The following AGMO variants were observed in gnomAD, a reference collection of about 807,000 sequenced individuals.
AGMO encodes the protein glyceryl-ether monooxygenase.
AGMO carries 75 observed loss-of-function variants against 60.2 expected under a neutral mutation model. The ratio of observed to expected loss-of-function variants is 1.25; its 90% CI spans 1.03 to 1.51. The LOEUF (loss-of-function observed/expected upper bound fraction) is 1.51, where lower values mean the gene tolerates loss of function less well. Among genes scored for constraint, AGMO ranks in the 40% most tolerant of loss-of-function variants. The pLI, the probability that AGMO is intolerant of heterozygous loss-of-function variation, is 0.00. For missense variants in AGMO, 763 were observed against 525.5 expected (o/e 1.45, Z -4.42); for synonymous variants, 261 against 177.1 (o/e 1.47, Z -3.76).
intron 5 of AGMO, among the ~76,000 whole-genome samples, chr7:15,399,616 C>T (rs979332521): frequency 1.3e-5 from 2 of 152,168 alleles, no homozygotes; most frequent in African/African-American, 2.4e-5. Context: ...TGATGACTCA[C>T]TTTCATTCAA....
At chr7:15,210,929 A>T (rs1781571384) in intron 12 of AGMO, among the ~76,000 whole-genome samples, 1 of 152,108 alleles carries the variant, frequency 6.6e-6, no homozygotes, top group South Asian at 2.1e-4. Flanking sequence ...GATACTGTTA[A>T]TTCAAAAACT....
At chr7:15,360,282 A>G (rs1388664965) in intron 12 of AGMO, among the ~76,000 whole-genome samples, 1 of 152,202 alleles carries the variant, frequency 6.6e-6, no homozygotes, top group East Asian at 1.9e-4. Context: ...ATCGTTAGCA[A>G]TAAGTACACT....
the AGMO span, among the ~76,000 whole-genome samples, chr7:15,128,152 T>C: frequency 5.2e-4 from 79 of 152,232 alleles, no homozygotes; most frequent in Non-Finnish European, 9.6e-4. Flanking sequence ...TTGTTACTAG[T>C]GCTTCCTACT....
At chr7:15,556,195 A>G (rs1785130048) in intron 2 of AGMO, among the ~76,000 whole-genome samples, 1 of 150,420 alleles carries the variant, frequency 6.6e-6, no homozygotes, top group Non-Finnish European at 1.5e-5. Context: ...AATATTTTAA[A>G]GAAGTTTAAT....
chr7:15,229,577 A>G (rs1782190478), intron 12 of AGMO, among the ~76,000 whole-genome samples: 1 of 149,436 alleles, frequency 6.7e-6, no homozygotes, highest in African/African-American at 2.4e-5. Flanking sequence ...AGTACAGGGG[A>G]AAAACGTGAG....
chr7:15,287,435 A>G (rs1486795840), intron 12 of AGMO, among the ~76,000 whole-genome samples: 2 of 152,170 alleles, frequency 1.3e-5, no homozygotes, highest in Non-Finnish European at 1.5e-5. Context: ...ACCCTGTTCA[A>G]GAATATAAAA....
chr7:15,344,829 A>C (rs560649349), intron 12 of AGMO, among the ~76,000 whole-genome samples: 76 of 149,134 alleles, frequency 5.1e-4, no homozygotes, highest in African/African-American at 1.9e-3. Context: ...TATATCCCTA[A>C]ACTTAAATAA....
At chr7:15,402,391 C>T (rs768977470) in intron 5 of AGMO, among the ~76,000 whole-genome samples, 18 of 151,054 alleles carry the variant, frequency 1.2e-4, no homozygotes, top group South Asian at 8.3e-4. Flanking sequence ...TCTATCTAAA[C>T]GTGTGTGTGC....
At chr7:15,478,626 A>T (rs954558754) in intron 3 of AGMO, among the ~76,000 whole-genome samples, 1 of 152,126 alleles carries the variant, frequency 6.6e-6, no homozygotes, top group Admixed American at 6.5e-5. Flanking sequence ...GAATTTGCTG[A>T]ACTGAATAGA....
chr7:15,400,307 A>G (rs574829723), intron 5 of AGMO, among the ~76,000 whole-genome samples: 1 of 152,270 alleles, frequency 6.6e-6, no homozygotes, highest in East Asian at 1.9e-4. Context: ...TTTGGAGATA[A>G]TTTTAGTTGT....
At chr7:15,466,413 T>C (rs529368315) in intron 3 of AGMO, among the ~76,000 whole-genome samples, 3 of 152,328 alleles carry the variant, frequency 2.0e-5, no homozygotes, top group African/African-American at 7.2e-5. Context: ...GTTAATGTTA[T>C]ATGCAACATA....
chr7:15,215,883 C>T (rs1781721980), intron 12 of AGMO, among the ~76,000 whole-genome samples: 1 of 151,916 alleles, frequency 6.6e-6, no homozygotes, highest in Admixed American at 6.6e-5. Flanking sequence ...AAGGTGCATG[C>T]GAATGTATAA....
intron 12 of AGMO, among the ~76,000 whole-genome samples, chr7:15,316,781 A>G (rs1780939460): frequency 2.0e-5 from 3 of 152,226 alleles, no homozygotes; most frequent in African/African-American, 7.2e-5. Flanking sequence ...AGTATATTTC[A>G]GTGTAACTGA....
the AGMO span, among the ~76,000 whole-genome samples, chr7:15,160,124 C>G: frequency 6.6e-6 from 1 of 152,084 alleles, no homozygotes; most frequent in African/African-American, 2.4e-5. Flanking sequence ...AAGAAGAGGA[C>G]TTCTCATACA....
At chr7:15,238,982 C>T (rs923481123) in intron 12 of AGMO, among the ~76,000 whole-genome samples, 16 of 152,074 alleles carry the variant, frequency 1.1e-4, no homozygotes, top group South Asian at 2.1e-4. Context: ...AAGTATTATC[C>T]GCCATTTTAC....
intron 12 of AGMO, among the ~76,000 whole-genome samples, chr7:15,210,389 A>T (rs1781554962): frequency 6.6e-6 from 1 of 152,174 alleles, no homozygotes; most frequent in Non-Finnish European, 1.5e-5. Context: ...AATCTGGAAG[A>T]TGTTGATTTA....
At chr7:15,245,884 T>C (rs780348331) in intron 12 of AGMO, among the ~76,000 whole-genome samples, 28 of 152,182 alleles carry the variant, frequency 1.8e-4, no homozygotes, top group Non-Finnish European at 8.8e-5. Flanking sequence ...CATTAAATAA[T>C]AGGTCTGCAT....
At chr7:15,327,845 G>T (rs983999011) in intron 12 of AGMO, among the ~76,000 whole-genome samples, 2 of 145,114 alleles carry the variant, frequency 1.4e-5, no homozygotes, top group Non-Finnish European at 3.0e-5. Flanking sequence ...GCTCATTGCA[G>T]CTTTGACCTA....
chr7:15,270,333 G>A (rs912890186), intron 12 of AGMO, among the ~76,000 whole-genome samples: 1 of 151,852 alleles, frequency 6.6e-6, no homozygotes, highest in Non-Finnish European at 1.5e-5. Context: ...GGTATGAGAT[G>A]ATATCATATT....
Sources: gnomAD v4.1 joint callset for allele counts (sites outside exome capture counted in the v4.1 genomes callset) on GRCh38, gnomAD v4.1.1 for gene constraint, MANE v1.5 for transcripts, NCBI Gene and HGNC (gene_info 2026-07-23, HGNC 2026-07-21) for gene names.